STX18: variants seen among roughly 807,000 people sequenced by gnomAD.
The protein encoded by STX18 is syntaxin-18.
STX18 carries 40 observed loss-of-function variants against 50.1 expected under a neutral mutation model. That is an observed-to-expected ratio of 0.80 (90% CI 0.62 to 1.04). The LOEUF (loss-of-function observed/expected upper bound fraction) is 1.04. Ranked by LOEUF, STX18 falls within the 50% of genes least tolerant of loss-of-function variation. The pLI is 0.00. For synonymous variants in STX18, 158 were observed against 151.8 expected, an observed-to-expected ratio of 1.04 and a Z score of -0.30; for missense variants, 410 against 415.8, an observed-to-expected ratio of 0.99 and a Z score of 0.12.
At chr4:4,453,230 T>G (rs917228931) in intron 5 of STX18, among the ~76,000 whole-genome samples, 7 of 152,168 alleles carry the variant, frequency 4.6e-5, no homozygotes, top group African/African-American at 1.7e-4. Flanking sequence ...ATGGGTAAAA[T>G]GCTATCAAAC....
intron 1 of STX18, among the ~76,000 whole-genome samples, chr4:4,524,233 G>C (rs1730647302): frequency 6.6e-6 from 1 of 152,174 alleles, no homozygotes; most frequent in South Asian, 2.1e-4. Context: ...GCCTAAAGCA[G>C]AGTGAATGGG....
intron 1 of STX18, among the ~76,000 whole-genome samples, chr4:4,475,214 A>G (rs1728118409): frequency 6.6e-6 from 1 of 152,224 alleles, no homozygotes; most frequent in African/African-American, 2.4e-5. Context: ...TCCCAACTTC[A>G]TATGCTCTGT....
intron 1 of STX18, among the ~76,000 whole-genome samples, chr4:4,484,153 T>C (rs4689684): frequency 0.22 from 33,856 of 152,124 alleles, 3,931 homozygotes; most frequent in Non-Finnish European, 0.24. Flanking sequence ...TGAGCCACCG[T>C]GCCCGGCCCC....
intron 1 of STX18, among the ~76,000 whole-genome samples, chr4:4,511,709 G>T (rs2108893098): frequency 8.1e-6 from 1 of 123,750 alleles, no homozygotes; most frequent in South Asian, 3.0e-4. Context: ...CAACACTCAT[G>T]ATTAGTGTGT....
chr4:4,483,831 C>A (rs1481768907), intron 1 of STX18, among the ~76,000 whole-genome samples: 3 of 152,154 alleles, frequency 2.0e-5, no homozygotes, highest in Admixed American at 6.5e-5. Flanking sequence ...TCTCTCTTCT[C>A]CAAGCTAATC....
intron 1 of STX18, among the ~76,000 whole-genome samples, chr4:4,527,408 ATTAC>A (rs1042789942): frequency 7.2e-5 from 11 of 152,300 alleles, no homozygotes; most frequent in Middle Eastern, 6.8e-3. Flanking sequence ...TAATTTCCTT[ATTAC>A]TTTAATGGAA....
chr4:4,461,911 G>A, intron 2 of STX18: 1 of 456,252 alleles, frequency 2.2e-6, no homozygotes, highest in Non-Finnish European at 4.4e-6. Flanking sequence ...CCTACTTAGA[G>A]ACAGCAGAGG....
intron 1 of STX18, among the ~76,000 whole-genome samples, chr4:4,473,213 T>C (rs1728010429): frequency 6.6e-6 from 1 of 152,166 alleles, no homozygotes. Context: ...ATTCAGCGTG[T>C]TTCCCAGTGC....
chr4:4,501,392 C>G (rs1413201555), intron 1 of STX18, among the ~76,000 whole-genome samples: 2 of 152,160 alleles, frequency 1.3e-5, no homozygotes, highest in African/African-American at 4.8e-5. Flanking sequence ...CTCTCACTGT[C>G]GGTCAGAATG....
At chr4:4,497,361 C>T (rs1029340835) in intron 1 of STX18, among the ~76,000 whole-genome samples, 1 of 152,188 alleles carries the variant, frequency 6.6e-6, no homozygotes. Flanking sequence ...GAGAAATGTA[C>T]TTAATCATCA....
In STX18 at chr4:4,441,396, G is replaced by T. The variant is rs138326173; in HGVS notation, c.498-2887C>A. Among the ~76,000 whole-genome samples, 468 of 152,146 alleles carry T rather than the reference G, an allele frequency of 3.1e-3. 4 individuals carry two copies. Among genetic ancestry groups the T allele is most frequent in the African/African-American group, 0.011 (449 of 41,492 alleles). On this transcript the variant is annotated intron_variant, in intron 5 of 10. Transcript: ENST00000306200. Reference sequence around the variant, plus strand: ...ATATGCACAAAGGTAAAGTTATAAGGATATTCACCACAAAACTGCTTATAA... The same window carrying T: ...ATATGCACAAAGGTAAAGTTATAAGTATATTCACCACAAAACTGCTTATAA...
intron 3 of STX18, among the ~76,000 whole-genome samples, chr4:4,458,735 T>C (rs1727210590): frequency 6.6e-6 from 1 of 152,154 alleles, no homozygotes; most frequent in African/African-American, 2.4e-5. Context: ...TTAATGCTCA[T>C]AACAACCCTA....
chr4:4,425,332 G>T (rs554558199), intron 7 of STX18, 110 bp from the exon 8 acceptor site: 15 of 992,064 alleles, frequency 1.5e-5, no homozygotes, highest in Non-Finnish European at 2.2e-5. Context: ...CCCATTTCCA[G>T]CTGCGGCAAC....
intron 1 of STX18, among the ~76,000 whole-genome samples, chr4:4,506,202 T>A (rs1042191975): frequency 6.6e-6 from 1 of 152,190 alleles, no homozygotes; most frequent in Non-Finnish European, 1.5e-5. Context: ...GTATTTGCCC[T>A]AGAGAAATGA....
chr4:4,495,208 A>T (rs994372354), intron 1 of STX18, among the ~76,000 whole-genome samples: 1 of 152,204 alleles, frequency 6.6e-6, no homozygotes, highest in African/African-American at 2.4e-5. Flanking sequence ...GTGTGTGAGG[A>T]TGAAATGCAA....
intron 1 of STX18, among the ~76,000 whole-genome samples, chr4:4,483,526 C>A (rs1728555970): frequency 6.6e-6 from 1 of 152,194 alleles, no homozygotes; most frequent in African/African-American, 2.4e-5. Flanking sequence ...CCCCAAACTA[C>A]AATTATTTGG....
intron 5 of STX18, among the ~76,000 whole-genome samples, chr4:4,449,357 C>G (rs1004049870): frequency 1.3e-5 from 2 of 152,098 alleles, no homozygotes; most frequent in Non-Finnish European, 2.9e-5. Context: ...GGCACCCCCC[C>G]ACCCCACTCT....
At chr4:4,539,150 G>A (rs1215161193) in intron 1 of STX18, among the ~76,000 whole-genome samples, 1 of 152,122 alleles carries the variant, frequency 6.6e-6, no homozygotes, top group Non-Finnish European at 1.5e-5. Flanking sequence ...CTGGCATCAG[G>A]CATATATTTG....
chr4:4,462,150 T>A (rs1370768037), intron 2 of STX18, among the ~76,000 whole-genome samples: 1 of 152,200 alleles, frequency 6.6e-6, no homozygotes, highest in Admixed American at 6.5e-5. Flanking sequence ...ATCTGACTCC[T>A]GCCTCCATTT....
Sources: allele counts gnomAD v4.1 joint callset (sites outside exome capture counted in the v4.1 genomes callset), GRCh38; gene constraint gnomAD v4.1.1; transcripts MANE v1.5; gene names NCBI Gene and HGNC (gene_info 2026-07-23, HGNC 2026-07-21).